The following PTPRA variants were observed in gnomAD, a reference collection of about 807,000 sequenced individuals.
The protein encoded by PTPRA is receptor-type tyrosine-protein phosphatase alpha.
Under a neutral mutation model 104.8 loss-of-function variants are expected in PTPRA, and 25 were observed. The observed-to-expected ratio is 0.24, with a 90% confidence interval of 0.17 to 0.33. The LOEUF is 0.33. Ranked by LOEUF, PTPRA falls within the 10% of genes least tolerant of loss-of-function variation. PTPRA has a pLI of 1.00. For missense variants in PTPRA, 765 were observed against 1,015.3 expected, an observed-to-expected ratio of 0.75 and a Z score of 3.35; for synonymous variants, 323 against 368.9, an observed-to-expected ratio of 0.88 and a Z score of 1.43.
intron 3 of PTPRA, among the ~76,000 whole-genome samples, chr20:2,949,722 T>G (rs2061289744): frequency 8.7e-6 from 1 of 115,526 alleles, no homozygotes; most frequent in Non-Finnish European, 1.8e-5. Context: ...TGCGTATTGT[T>G]TTTTTTTTTA....
chr20:2,868,968 GGT>G (rs778309340), upstream of PTPRA, among the ~76,000 whole-genome samples: 2 of 152,156 alleles, frequency 1.3e-5, no homozygotes, highest in East Asian at 1.9e-4. Context: ...CTTTATAAAA[GGT>G]GTGTGTGCAT....
At chr20:2,985,898 TG>T (rs2062883810) in intron 6 of PTPRA, among the ~76,000 whole-genome samples, 1 of 151,450 alleles carries the variant, frequency 6.6e-6, no homozygotes, top group Non-Finnish European at 1.5e-5. Context: ...TTTGTTTGTT[TG>T]TTTGTTTGTT....
At chr20:2,968,257 T>A (rs1467203263) in intron 5 of PTPRA, among the ~76,000 whole-genome samples, 1 of 152,224 alleles carries the variant, frequency 6.6e-6, no homozygotes, top group Non-Finnish European at 1.5e-5. Context: ...TTTAAAGTAA[T>A]GCCCTAACTG....
intron 9 of PTPRA, among the ~76,000 whole-genome samples, chr20:2,995,914 C>A (rs189345804): frequency 6.6e-6 from 1 of 152,190 alleles, no homozygotes; most frequent in Admixed American, 6.5e-5. Context: ...CCAGCTTGAA[C>A]ACATCACAGG....
chr20:2,903,226 A>G (rs1349664519), intron 1 of PTPRA, among the ~76,000 whole-genome samples: 1 of 152,158 alleles, frequency 6.6e-6, no homozygotes, highest in Non-Finnish European at 1.5e-5. Flanking sequence ...AAAAACCTGA[A>G]ATCCAAACCA....
At chr20:2,910,009 A>G (rs1164473635) in intron 1 of PTPRA, among the ~76,000 whole-genome samples, 5 of 53,490 alleles carry the variant, frequency 9.3e-5, no homozygotes, top group Non-Finnish European at 1.3e-4. Context: ...TCTATCATAT[A>G]TCATATATAA....
intron 5 of PTPRA, among the ~76,000 whole-genome samples, chr20:2,968,684 C>T (rs2062036439): frequency 6.6e-6 from 1 of 152,114 alleles, no homozygotes; most frequent in Non-Finnish European, 1.5e-5. Flanking sequence ...GAGGCTGAAG[C>T]AGGAGGATCG....
chr20:2,975,118 ATTCCT>A, intron 5 of PTPRA, 92 bp from the exon 6 acceptor site: 1 of 1,098,920 alleles, frequency 9.1e-7, no homozygotes, highest in Non-Finnish European at 1.3e-6. Context: ...GGAGGAAAGC[ATTCCT>A]AATCCTGGAG....
At chr20:2,876,994 G>C (rs2089761250) in intron 1 of PTPRA, among the ~76,000 whole-genome samples, 1 of 152,222 alleles carries the variant, frequency 6.6e-6, no homozygotes, top group South Asian at 2.1e-4. Context: ...GATGATCAGT[G>C]CGGGTGGTGG....
the PTPRA span, chr20:2,865,511 C>T: frequency 6.2e-7 from 1 of 1,609,286 alleles, no homozygotes; most frequent in Non-Finnish European, 8.5e-7. This position sits in a 1 kb window ranked among gnomAD's most constrained non-coding sequence, Gnocchi z 5.2. Context: ...GCAGGGTCCT[C>T]CCTCCAGCCC....
At chr20:2,951,661 C>G (rs189522623) in intron 3 of PTPRA, among the ~76,000 whole-genome samples, 5 of 152,300 alleles carry the variant, frequency 3.3e-5, no homozygotes, top group Admixed American at 6.5e-5. Flanking sequence ...GCTGAAACCA[C>G]ATAAAGGCTC....
intron 10 of PTPRA, among the ~76,000 whole-genome samples, chr20:3,005,763 T>C (rs921896283): frequency 1.3e-5 from 2 of 151,902 alleles, no homozygotes; most frequent in Admixed American, 1.3e-4. Context: ...CAGGGGGTAA[T>C]GGTGGTGGTA....
rs766642633 is a variant in PTPRA at position 3,022,751 on chromosome 20, C to T, written c.1391C>T (p.Thr464Ile). 3 of 1,614,182 alleles carry T rather than the reference C, an allele frequency of 1.9e-6. No individual in the cohort carries two copies. The South Asian group carries it at 3.3e-5, about 18-fold the overall frequency. Residue 464 changes from threonine to isoleucine, a missense_variant, in exon 16 of 24, where the codon ACA (threonine) becomes ATA (isoleucine). This residue lies in a region of PTPRA where 245 missense variants were observed against 398.7 expected (regional missense o/e 0.61). Transcript: ENST00000399903. This position sits in a 1 kb window ranked among gnomAD's most constrained non-coding sequence, Gnocchi z 4.6. The stretch of plus-strand genomic sequence containing the variant: ...GATGCCATGCTGGACATGATGCATA[C>T]AGAACGGAAGGTGGACGTGTATGGC... The part of the protein sequence containing the change: ...VIDAMLDMMH[T>I]ERKVDVYGFV...
intron 1 of PTPRA, among the ~76,000 whole-genome samples, chr20:2,897,079 A>G (rs1259096640): frequency 6.6e-6 from 1 of 152,258 alleles, no homozygotes; most frequent in Non-Finnish European, 1.5e-5. Flanking sequence ...GCATCGTATC[A>G]AGAGGTTCAT....
Position 2,943,206 on chromosome 20 carries a change from T to TCCCC in PTPRA, c.-49-4773_-49-4770dup, listed in dbSNP as rs147898735. Among the ~76,000 whole-genome samples, 448 of 97,032 alleles carry TCCCC rather than the reference T, an allele frequency of 4.6e-3. 1 individual carries two copies. The highest frequency in any genetic ancestry group is 0.014 in the African/African-American group (397 of 28,104). 63.7% of individuals were successfully genotyped at this position (97,032 alleles called of 152,430 possible). A position where few individuals can be genotyped will look rare whatever the true frequency, so the allele number is the denominator to read the frequency against. ...CATCTACTGGGAGTCTTGGAACATATCCCCCCACCCCCCCCCCAGATAAGG... is the reference window on the plus strand; with the variant it reads ...CATCTACTGGGAGTCTTGGAACATATCCCCCCCCCCACCCCCCCCCCAGATAAGG... On this transcript the variant is annotated intron_variant, in intron 2 of 23. Transcript: ENST00000399903.
At chr20:2,882,975 CTT>C (rs752857166) in intron 1 of PTPRA, among the ~76,000 whole-genome samples, 23 of 113,652 alleles carry the variant, frequency 2.0e-4, no homozygotes, top group African/African-American at 4.5e-4. Flanking sequence ...AAATCCAACA[CTT>C]TTTTTTTTTT....
Position 2,978,622 on chromosome 20 carries a change from C to A in PTPRA, c.442+3381C>A, listed in dbSNP as rs768430994. The stretch of plus-strand genomic sequence containing the variant: ...TATAGCAAGTAGGTATCTGTTGTCC[C>A]GGGACACCATTTTAGTGGTTTTCAT... On this transcript the variant is annotated intron_variant, in intron 6 of 23. Transcript: ENST00000399903. Among the ~76,000 whole-genome samples the A allele has an allele frequency of 6.0e-4, 91 of 152,142 alleles. 1 individual carries two copies. The highest frequency in any genetic ancestry group is 2.8e-3 in the Admixed American group (43 of 15,276).
Position 2,873,945 on chromosome 20 carries a change from AG to A in PTPRA, c.-129+190del, listed in dbSNP as rs986955009. ...GCATCCTTGCGGGTCCGTCGCGGGG[AG>A]GGGGTCCCCGGAAACGTGCCGGCCC... On this transcript the variant is annotated intron_variant, in intron 1 of 23. Coordinates refer to ENST00000399903, the MANE Select transcript of PTPRA (RefSeq NM_001385305.1). The surrounding 1 kb of genome is among the most constrained non-coding windows in gnomAD (Gnocchi z 4.4). Among the ~76,000 whole-genome samples, 1 of 151,948 alleles carries A rather than the reference AG, an allele frequency of 6.6e-6. No homozygotes were observed. Among genetic ancestry groups the A allele is most frequent in the African/African-American group, 2.4e-5 (1 of 41,374 alleles).
intron 5 of PTPRA, among the ~76,000 whole-genome samples, chr20:2,974,403 A>G (rs1057252251): frequency 1.3e-5 from 2 of 150,896 alleles, no homozygotes; most frequent in Non-Finnish European, 2.9e-5. Context: ...GACGTGAGCC[A>G]CTGTGCCCAG....
Sources: allele counts gnomAD v4.1 joint callset (sites outside exome capture counted in the v4.1 genomes callset), GRCh38; gene constraint gnomAD v4.1.1; regional missense constraint gnomAD v4.1.1; non-coding constraint Gnocchi (gnomAD v3.1); transcripts MANE v1.5; gene names NCBI Gene and HGNC (gene_info 2026-07-23, HGNC 2026-07-21).